The following ACYP2 variants were observed in gnomAD, a reference collection of about 807,000 sequenced individuals.
ACYP2 encodes the protein acylphosphatase-2.
Under a neutral mutation model 11.2 loss-of-function variants are expected in ACYP2, and 12 were observed. That is an observed-to-expected ratio of 1.08 (90% confidence interval 0.69 to 1.74). ACYP2 has a LOEUF of 1.74. Ranked by LOEUF, ACYP2 falls within the 40% of genes most tolerant of loss-of-function variation. The pLI is 0.00. For missense variants in ACYP2, 134 were observed against 101.9 expected (o/e 1.31, Z -1.35); for synonymous variants, 43 against 32.2 (o/e 1.33, Z -1.13).
At chr2:54,180,250 T>C (rs907252591) in intron 6 of ACYP2, among the ~76,000 whole-genome samples, 7 of 152,148 alleles carry the variant, frequency 4.6e-5, no homozygotes, top group African/African-American at 1.4e-4. Flanking sequence ...TCTATTTTTA[T>C]TTTTAATTTT....
intron 4 of ACYP2, among the ~76,000 whole-genome samples, chr2:54,133,043 C>T (rs180830308): frequency 1.8e-4 from 27 of 152,238 alleles, no homozygotes; most frequent in Middle Eastern, 6.8e-3. Flanking sequence ...CACACCCGGC[C>T]CAATGAATTT....
At chr2:54,219,280 C>A (rs569541837) in intron 6 of ACYP2, among the ~76,000 whole-genome samples, 1 of 152,194 alleles carries the variant, frequency 6.6e-6, no homozygotes, top group Admixed American at 6.5e-5. Flanking sequence ...GCATTGAGTG[C>A]TTGTTTTGCA....
chr2:54,227,825 T>C (rs1686072200), intron 6 of ACYP2, among the ~76,000 whole-genome samples: 1 of 152,216 alleles, frequency 6.6e-6, no homozygotes, highest in Non-Finnish European at 1.5e-5. Flanking sequence ...CTACATTGCA[T>C]AGAATAGGAA....
intron 6 of ACYP2, among the ~76,000 whole-genome samples, chr2:54,169,813 C>A (rs1411280970): frequency 6.6e-6 from 1 of 152,084 alleles, no homozygotes; most frequent in Admixed American, 6.6e-5. Context: ...TATTTAAAAA[C>A]CAGCAACTAC....
intron 2 of ACYP2, among the ~76,000 whole-genome samples, chr2:53,978,337 A>T (rs924860441): frequency 6.6e-6 from 1 of 152,064 alleles, no homozygotes; most frequent in African/African-American, 2.4e-5. Context: ...GTGACTGTGG[A>T]TGATTAAGAG....
chr2:54,061,502 C>T (rs964239001), intron 4 of ACYP2, among the ~76,000 whole-genome samples: 2 of 152,168 alleles, frequency 1.3e-5, no homozygotes, highest in Non-Finnish European at 2.9e-5. Context: ...TGTTTTCTTA[C>T]TGGTGAACCT....
At chr2:54,160,485 C>A (rs1682663418) in intron 6 of ACYP2, among the ~76,000 whole-genome samples, 1 of 152,222 alleles carries the variant, frequency 6.6e-6, no homozygotes, top group African/African-American at 2.4e-5. Flanking sequence ...CTTCTCAAGA[C>A]TGTAAGCTCC....
intron 2 of ACYP2, among the ~76,000 whole-genome samples, chr2:54,000,630 T>A (rs1335766714): frequency 6.6e-6 from 1 of 152,216 alleles, no homozygotes; most frequent in Non-Finnish European, 1.5e-5. Context: ...AGAGATCTGA[T>A]CACACTACAT....
intron 2 of ACYP2, among the ~76,000 whole-genome samples, chr2:53,994,234 G>T (rs1476583798): frequency 1.3e-5 from 2 of 150,370 alleles, no homozygotes; most frequent in Non-Finnish European, 2.9e-5. Flanking sequence ...GAAGGCTGAG[G>T]CAGGAGAATG....
intron 4 of ACYP2, among the ~76,000 whole-genome samples, chr2:54,101,982 C>G (rs1297111266): frequency 6.6e-6 from 1 of 152,158 alleles, no homozygotes. Context: ...TGTATTACAG[C>G]TCTGTGGGTT....
At chr2:54,042,840 A>G (rs560244553) in intron 2 of ACYP2, among the ~76,000 whole-genome samples, 1 of 152,362 alleles carries the variant, frequency 6.6e-6, no homozygotes, top group African/African-American at 2.4e-5. Flanking sequence ...GTTGGAGATC[A>G]GAGAGAGAAC....
chr2:54,265,909 C>T (rs1687996076), intron 6 of ACYP2, among the ~76,000 whole-genome samples: 1 of 152,168 alleles, frequency 6.6e-6, no homozygotes, highest in Admixed American at 6.5e-5. Flanking sequence ...ATTATTTTTG[C>T]TATCTAGGAC....
At chr2:54,218,991 AAAAT>A (rs972958222) in intron 6 of ACYP2, among the ~76,000 whole-genome samples, 1 of 152,202 alleles carries the variant, frequency 6.6e-6, no homozygotes, top group Non-Finnish European at 1.5e-5. Context: ...GAAGAAAGAA[AAAAT>A]AAATCTTGGA....
intron 2 of ACYP2, among the ~76,000 whole-genome samples, chr2:54,000,413 G>A (rs1388400824): frequency 6.6e-6 from 1 of 152,190 alleles, no homozygotes; most frequent in African/African-American, 2.4e-5. Flanking sequence ...TCCATGATCT[G>A]TAAACATAAA....
intron 6 of ACYP2, among the ~76,000 whole-genome samples, chr2:54,273,068 T>C (rs537596815): frequency 1.3e-5 from 2 of 152,320 alleles, no homozygotes; most frequent in South Asian, 4.1e-4. Flanking sequence ...TAGGCAGGCT[T>C]TTCTCTGACA....
At chr2:54,066,466 GT>G in intron 4 of ACYP2, among the ~76,000 whole-genome samples, 1 of 152,142 alleles carries the variant, frequency 6.6e-6, no homozygotes, top group Non-Finnish European at 1.5e-5. Context: ...CGCTTCAACC[GT>G]ATGAAATAGA....
chr2:54,102,634 A>G, intron 4 of ACYP2, among the ~76,000 whole-genome samples: 1 of 109,472 alleles, frequency 9.1e-6, no homozygotes, highest in Non-Finnish European at 1.8e-5. Context: ...AAGCTGGCTT[A>G]AGCCAAAAAA....
At chr2:54,181,741 T>C (rs954800604) in intron 6 of ACYP2, among the ~76,000 whole-genome samples, 35 of 152,186 alleles carry the variant, frequency 2.3e-4, no homozygotes, top group Non-Finnish European at 1.2e-4. Context: ...ATAAACAGTA[T>C]CCCTGCCTGG....
At chr2:53,989,732 G>A (rs948325816) in intron 2 of ACYP2, among the ~76,000 whole-genome samples, 9 of 152,286 alleles carry the variant, frequency 5.9e-5, no homozygotes, top group African/African-American at 1.9e-4. Flanking sequence ...GGGATGATAA[G>A]TGATATTGGA....
Sources: allele counts gnomAD v4.1 joint callset (sites outside exome capture counted in the v4.1 genomes callset), GRCh38; gene constraint gnomAD v4.1.1; transcripts MANE v1.5; gene names NCBI Gene and HGNC (gene_info 2026-07-23, HGNC 2026-07-21).